Variants in BACH2 observed in about 807,000 individuals in gnomAD.
The protein encoded by BACH2 is transcription regulator protein BACH2.
A neutral mutation model predicts 61.8 loss-of-function variants in BACH2; 5 were observed. The ratio of observed to expected loss-of-function variants is 0.08; its 90% CI spans 0.04 to 0.17. BACH2 has a LOEUF of 0.17. BACH2 is among the 10% of genes least tolerant of loss of function. The probability of loss-of-function intolerance (pLI) is 1.00; values close to 1 mark genes in which losing one functional copy is unlikely to be tolerated. For synonymous variants in BACH2, 446 were observed against 440.1 expected (o/e 1.01, Z -0.17); for missense variants, 824 against 1,091.1 (o/e 0.76, Z 3.45).
chr6:90,243,869 A>G (rs1191383618), intron 3 of BACH2, among the ~76,000 whole-genome samples: 1 of 152,198 alleles, frequency 6.6e-6, no homozygotes, highest in African/African-American at 2.4e-5. Flanking sequence ...AATTTCATTG[A>G]TTGGAATAGC....
chr6:90,261,179 C>T (rs1771145215), intron 2 of BACH2, among the ~76,000 whole-genome samples: 1 of 152,166 alleles, frequency 6.6e-6, no homozygotes, highest in South Asian at 2.1e-4. Context: ...AGTCTTTCCT[C>T]CTTTGTTCCC....
chr6:90,295,752 C>T (rs1291741947), intron 1 of BACH2, among the ~76,000 whole-genome samples: 1 of 152,080 alleles, frequency 6.6e-6, no homozygotes, highest in Non-Finnish European at 1.5e-5. Flanking sequence ...AAGCCTGGCG[C>T]CCTTAGGTCT....
intron 8 of BACH2, among the ~76,000 whole-genome samples, chr6:89,935,196 G>A (rs533674305): frequency 6.6e-5 from 10 of 152,118 alleles, no homozygotes; most frequent in East Asian, 1.9e-4. Context: ...GCCCACCAGC[G>A]CCATCCCTGT....
At chr6:90,029,472 C>G (rs1044289724) in intron 5 of BACH2, among the ~76,000 whole-genome samples, 4 of 152,108 alleles carry the variant, frequency 2.6e-5, no homozygotes, top group African/African-American at 7.2e-5. Context: ...ACAACCCCAG[C>G]CTCCCACCTC....
Position 90,204,964 on chromosome 6 carries a change from T to G in BACH2, c.-162+1605A>C, listed in dbSNP as rs115004767. 4.8e-3 allele frequency among the ~76,000 whole-genome samples: 738 copies of G among 152,234 alleles called. 2 individuals carry two copies. Among genetic ancestry groups the G allele is most frequent in the African/African-American group, 0.016 (683 of 41,530 alleles). ...CAAACAAAAACTCCTCAAAAACAAT[T>G]GCTTGTTTTTTTGCTGGTCTCTTCA... On this transcript the variant is annotated intron_variant, in intron 4 of 8. Coordinates refer to ENST00000257749, the MANE Select transcript of BACH2 (RefSeq NM_021813.4).
intron 6 of BACH2, among the ~76,000 whole-genome samples, chr6:90,006,467 A>C (rs1276639676): frequency 6.6e-6 from 1 of 152,150 alleles, no homozygotes; most frequent in Admixed American, 6.5e-5. Flanking sequence ...CCAGTATGTC[A>C]TTTAGCTGAT....
chr6:90,044,255 C>A (rs190684218), intron 5 of BACH2, among the ~76,000 whole-genome samples: 2 of 152,094 alleles, frequency 1.3e-5, no homozygotes, highest in African/African-American at 4.8e-5. Flanking sequence ...CGTGGAAGAT[C>A]TCATTTAGGC....
At chr6:90,189,321 G>A (rs564277936) in intron 4 of BACH2, among the ~76,000 whole-genome samples, 91 of 152,220 alleles carry the variant, frequency 6.0e-4, no homozygotes, top group Admixed American at 1.8e-3. Flanking sequence ...TCAAGAGTGG[G>A]CTTCCGGCCG....
At chr6:90,250,994 T>A (rs1770789471) in intron 3 of BACH2, among the ~76,000 whole-genome samples, 1 of 152,136 alleles carries the variant, frequency 6.6e-6, no homozygotes, top group South Asian at 2.1e-4. Flanking sequence ...GGATCACATA[T>A]CCAAGGGATA....
intron 4 of BACH2, among the ~76,000 whole-genome samples, chr6:90,200,493 T>C (rs1351795685): frequency 6.6e-6 from 1 of 152,154 alleles, no homozygotes; most frequent in Non-Finnish European, 1.5e-5. Flanking sequence ...CCTGGTAATA[T>C]GCCAAGCAGA....
chr6:90,111,270 T>TAA (rs1783159232), intron 4 of BACH2, among the ~76,000 whole-genome samples: 1 of 152,184 alleles, frequency 6.6e-6, no homozygotes, highest in African/African-American at 2.4e-5. Context: ...ACCATCTCTC[T>TAA]CCCGGGCTTG....
chr6:90,081,699 CTT>C (rs952420239), intron 5 of BACH2, among the ~76,000 whole-genome samples: 1 of 145,706 alleles, frequency 6.9e-6, no homozygotes, highest in Non-Finnish European at 1.5e-5. Flanking sequence ...CAGACTTTTT[CTT>C]TTTTTTTTAA....
intron 4 of BACH2, among the ~76,000 whole-genome samples, chr6:90,139,885 G>C (rs1162064770): frequency 1.3e-5 from 2 of 152,180 alleles, no homozygotes; most frequent in African/African-American, 4.8e-5. Flanking sequence ...GGTTAAGCCA[G>C]ACTCCAGCTA....
chr6:90,102,791 AAATAATAATAAT>A (rs372366852), intron 4 of BACH2, among the ~76,000 whole-genome samples: 1,380 of 113,658 alleles, frequency 0.012, 11 homozygotes, highest in South Asian at 0.021. Context: ...ACTCCATTTC[AAATAATAATAAT>A]AATAATAATA....
intron 6 of BACH2, among the ~76,000 whole-genome samples, chr6:89,966,919 A>T (rs944490244): frequency 6.6e-6 from 1 of 152,218 alleles, no homozygotes; most frequent in Non-Finnish European, 1.5e-5. Flanking sequence ...CAGGCTGGTC[A>T]TGAACTTCTG....
chr6:90,235,829 T>C (rs1231002018), intron 3 of BACH2, among the ~76,000 whole-genome samples: 1 of 152,264 alleles, frequency 6.6e-6, no homozygotes, highest in Non-Finnish European at 1.5e-5. Context: ...CAGCAGGATG[T>C]GGCCTGAGCA....
chr6:90,121,636 G>A (rs1393723782), intron 4 of BACH2, among the ~76,000 whole-genome samples: 2 of 151,996 alleles, frequency 1.3e-5, no homozygotes, highest in Admixed American at 6.5e-5. Flanking sequence ...TCCACCTTCC[G>A]GGCTCAAGCA....
chr6:89,985,930 A>G (rs999690168), intron 6 of BACH2, among the ~76,000 whole-genome samples: 7 of 152,216 alleles, frequency 4.6e-5, no homozygotes, highest in African/African-American at 1.7e-4. Context: ...TTGAGAAACC[A>G]AAGTACAGCT....
At chr6:90,291,926 G>A (rs568039511) in intron 1 of BACH2, among the ~76,000 whole-genome samples, 1 of 152,294 alleles carries the variant, frequency 6.6e-6, no homozygotes, top group South Asian at 2.1e-4. Flanking sequence ...CTCTGACAGG[G>A]TCATATGTCG....
Sources: allele counts gnomAD v4.1 joint callset (sites outside exome capture counted in the v4.1 genomes callset), GRCh38; gene constraint gnomAD v4.1.1; transcripts MANE v1.5; gene names NCBI Gene and HGNC (gene_info 2026-07-23, HGNC 2026-07-21).